The following NOMO1 variants were observed in gnomAD, a reference collection of about 807,000 sequenced individuals.
NOMO1 encodes nodal modulator 3.
A neutral mutation model predicts 133.8 loss-of-function variants in NOMO1; 40 were observed. The ratio of observed to expected loss-of-function variants is 0.30; its 90% confidence interval spans 0.23 to 0.39. The LOEUF (loss-of-function observed/expected upper bound fraction) is 0.39. Among genes scored for constraint, NOMO1 ranks in the 10% least tolerant of loss-of-function variants. NOMO1 has a pLI of 1.00. For missense variants in NOMO1, 462 were observed against 1,419.9 expected (o/e 0.33, Z 10.84); for synonymous variants, 236 against 570.5 (o/e 0.41, Z 8.36).
chr16:14,886,803 A>ATC lies in NOMO1; in HGVS notation c.3265_3266insTC (p.Thr1089IlefsTer56). On this transcript the variant is annotated frameshift_variant, in exon 28 of 31. Coordinates refer to ENST00000287667, the MANE Select transcript of NOMO1 (RefSeq NM_014287.4). LOFTEE classifies it high-confidence loss of function. ...CGAAAACCTCGACAATCCAATCCAG[A>ATC]CAGTTTCCCTTGGCCAGTCCCTGTT... 1 of 1,611,636 alleles carries ATC rather than the reference A, an allele frequency of 6.2e-7. No homozygotes were observed. Among genetic ancestry groups the ATC allele is most frequent in the Non-Finnish European group, 8.5e-7 (1 of 1,179,802 alleles).
chr16:14,857,496 G>A lies in NOMO1; in HGVS notation c.1070-9G>A, dbSNP rs753633597. ...GCTTATCTTCTGTTTGTGTGTTTTTGTTTTACAGTTAAAACAAAAGCTGAT... is the reference window on the plus strand; with the variant it reads ...GCTTATCTTCTGTTTGTGTGTTTTTATTTTACAGTTAAAACAAAAGCTGAT... On this transcript the variant is annotated splice_polypyrimidine_tract_variant and intron_variant, in intron 10 of 30. Transcript: ENST00000287667. 3 of 1,608,010 alleles carry A rather than the reference G, an allele frequency of 1.9e-6. No homozygotes were observed. The highest frequency in any genetic ancestry group is 2.5e-6 in the Non-Finnish European group (3 of 1,177,552).
At chr16:14,853,709 C>G in intron 8 of NOMO1, 105 bp downstream of exon 8, 2 of 1,115,736 alleles carry the variant, frequency 1.8e-6, no homozygotes, top group Non-Finnish European at 2.7e-6. Context: ...GCCTGCAGTT[C>G]TCTGAACACG....
intron 6 of NOMO1, among the ~76,000 whole-genome samples, chr16:14,851,660 AT>A (rs1193326218): frequency 1.5e-5 from 1 of 68,156 alleles, no homozygotes; most frequent in East Asian, 3.4e-4. Context: ...TTATTTGCAC[AT>A]GGTTTGAACA....
At chr16:14,886,696 G>A (rs1418089623) in intron 27 of NOMO1, 65 bp from the exon 28 acceptor site, 4 of 1,610,224 alleles carry the variant, frequency 2.5e-6, no homozygotes, top group Non-Finnish European at 2.5e-6. Context: ...TCCTGAGGAT[G>A]TCTGCTATGA....
At chr16:14,870,319 G>A (rs1019280200) in intron 16 of NOMO1, among the ~76,000 whole-genome samples, 3 of 150,858 alleles carry the variant, frequency 2.0e-5, no homozygotes, top group Admixed American at 6.6e-5. Flanking sequence ...CAAGATGGCT[G>A]TTGTTAGAAA....
Position 14,877,488 on chromosome 16 carries a change from C to T in NOMO1, c.2643+698C>T, listed in dbSNP as rs1284431237. On this transcript the variant is annotated intron_variant, in intron 22 of 30. Transcript: ENST00000287667. ...ATTGCTGAATACATTTGGAACCAAA[C>T]TGAAAGATATTCAAACTCGGAAGAA... Among the ~76,000 whole-genome samples the T allele has an allele frequency of 2.7e-4, 41 of 150,642 alleles. 1 individual carries two copies. Among genetic ancestry groups the T allele is most frequent in the Admixed American group, 2.7e-3 (41 of 15,108 alleles).
intron 11 of NOMO1, 82 bp downstream of exon 11, chr16:14,857,737 T>G (rs990872279): frequency 6.3e-7 from 1 of 1,592,290 alleles, no homozygotes; most frequent in African/African-American, 1.4e-5. Context: ...GATCTGTGTG[T>G]CTTTGCCGAG....
chr16:14,885,738 G>A (rs1964314457), intron 27 of NOMO1, among the ~76,000 whole-genome samples: 1 of 151,752 alleles, frequency 6.6e-6, no homozygotes. Context: ...GGAGGGGAGG[G>A]CGCCACTCTC....
At position 14,854,021 on chromosome 16, in the gene NOMO1, A is replaced by G; in HGVS notation, c.958A>G (p.Ile320Val). 3 of 1,587,018 alleles carry G rather than the reference A, an allele frequency of 1.9e-6. No individual in the cohort carries two copies. The highest frequency in any genetic ancestry group is 2.6e-6 in the Non-Finnish European group (3 of 1,165,012). ...DFTVEHDSLK[I>V]EPVFHVMGFS... ...CACAGTGGAGCATGACAGCTTGAAA[A>G]TCGAGGTAAGGCTTTTCTGTCTTCT... is the stretch of plus-strand genomic sequence containing the variant. Residue 320 changes from isoleucine to valine, a missense_variant, in exon 9 of 31, where the codon ATC (isoleucine) becomes GTC (valine). Transcript: ENST00000287667.
intron 29 of NOMO1, among the ~76,000 whole-genome samples, chr16:14,892,736 C>A (rs1964424324): frequency 1.3e-5 from 2 of 151,350 alleles, no homozygotes; most frequent in South Asian, 2.1e-4. Flanking sequence ...ATCCTCACAA[C>A]AAGCCTTCGA....
intron 24 of NOMO1, among the ~76,000 whole-genome samples, chr16:14,880,484 T>C (rs376877306): frequency 0.021 from 3,082 of 148,656 alleles, 117 homozygotes; most frequent in African/African-American, 0.072. Flanking sequence ...CTCTGCCTCC[T>C]GGGTTCCAGC....
At chr16:14,886,105 C>T (rs565669844) in intron 27 of NOMO1, among the ~76,000 whole-genome samples, 2 of 152,164 alleles carry the variant, frequency 1.3e-5, no homozygotes, top group South Asian at 4.2e-4. Context: ...CCTGCTCATG[C>T]CCCATGCCGT....
intron 1 of NOMO1, among the ~76,000 whole-genome samples, chr16:14,835,414 G>T (rs1210075546): frequency 1.3e-5 from 2 of 151,054 alleles, no homozygotes; most frequent in South Asian, 4.2e-4. Context: ...TATGGCTGTA[G>T]ACGGCACAGG....
intron 20 of NOMO1, among the ~76,000 whole-genome samples, 180 bp downstream of exon 20, chr16:14,875,602 T>TGGA (rs1964148073): frequency 2.0e-5 from 3 of 149,240 alleles, no homozygotes; most frequent in African/African-American, 7.5e-5. Flanking sequence ...GATGGTTGGG[T>TGGA]TGGATGGATG....
At chr16:14,895,241 G>C in intron 30 of NOMO1, 151 bp downstream of exon 30, 1 of 924,052 alleles carries the variant, frequency 1.1e-6, no homozygotes, top group Non-Finnish European at 1.6e-6. Context: ...TCCAGACTTA[G>C]GTCTCCTTTC....
At chr16:14,885,344 A>G (rs1206081020) in intron 27 of NOMO1, among the ~76,000 whole-genome samples, 2 of 151,628 alleles carry the variant, frequency 1.3e-5, no homozygotes, top group Non-Finnish European at 2.9e-5. Flanking sequence ...TCATTTCCAC[A>G]TGCCTCGACT....
rs1202046174 is a variant in NOMO1 at position 14,869,693 on chromosome 16, A to T, written c.1894+1058A>T. On this transcript the variant is annotated intron_variant, in intron 16 of 30. Coordinates refer to ENST00000287667, the MANE Select transcript of NOMO1 (RefSeq NM_014287.4). Reference sequence around the variant, plus strand: ...TTCCAGTTTGACGCTGTTATGACTAATGTTACGGACATTCTTGTACAAGTC... The same window carrying T: ...TTCCAGTTTGACGCTGTTATGACTATTGTTACGGACATTCTTGTACAAGTC... Among the ~76,000 whole-genome samples, 5 of 151,220 alleles carry T rather than the reference A, an allele frequency of 3.3e-5. No homozygotes were observed. In the East Asian group the frequency reaches 9.7e-4, roughly 29 times the overall value.
At chr16:14,860,711 A>G (rs1230232230) in intron 11 of NOMO1, among the ~76,000 whole-genome samples, 2 of 151,868 alleles carry the variant, frequency 1.3e-5, no homozygotes, top group African/African-American at 4.8e-5. Context: ...AAATATATTT[A>G]TTTTCTCCTT....
intron 16 of NOMO1, among the ~76,000 whole-genome samples, chr16:14,869,727 C>T (rs1230014653): frequency 3.3e-5 from 5 of 151,538 alleles, no homozygotes; most frequent in African/African-American, 4.9e-5. Flanking sequence ...TCTTTGTGTC[C>T]GTATGTTTTC....
Sources: gnomAD v4.1 joint callset for allele counts (sites outside exome capture counted in the v4.1 genomes callset) on GRCh38, gnomAD v4.1.1 for gene constraint, MANE v1.5 for transcripts, NCBI Gene and HGNC (gene_info 2026-07-23, HGNC 2026-07-21) for gene names.